The following CYP2W1 variants were observed in gnomAD, a reference collection of about 807,000 sequenced individuals.
CYP2W1 encodes cytochrome P450 family 2 subfamily W member 1, also known as cytochrome P450 2W1.
In CYP2W1, 51 loss-of-function variants were observed where a neutral mutation model predicts 44.9. The ratio of observed to expected loss-of-function variants is 1.14; its 90% CI spans 0.91 to 1.43. The LOEUF (loss-of-function observed/expected upper bound fraction) is 1.43, where lower values mean the gene tolerates loss of function less well. Ranked by LOEUF, CYP2W1 falls within the 40% of genes most tolerant of loss-of-function variation. CYP2W1 has a pLI of 0.00. For synonymous variants in CYP2W1, 383 were observed against 338.3 expected (o/e 1.13, Z -1.45); for missense variants, 746 against 700.0 (o/e 1.07, Z -0.74).
rs149976257 is a variant in CYP2W1 at position 988,740 on chromosome 7, C to T, written c.1391C>T (p.Pro464Leu). The T allele has an allele frequency of 6.9e-3, 11,096 of 1,599,316 alleles. 62 individuals carry two copies. Among genetic ancestry groups the T allele is most frequent in the Non-Finnish European group, 8.3e-3 (9,750 of 1,179,498 alleles). ...YRLLPPPGVS[P>L]ASLDTTPARA... is the part of the protein sequence containing the mutation. The stretch of plus-strand genomic sequence containing the variant: ...CTGCTGCCCCCGCCTGGCGTCAGTC[C>T]GGCCTCCCTGGACACCACGCCCGCC... Residue 464 changes from proline to leucine, a missense_variant, in exon 9 of 9, where the codon CCG becomes CTG. Physicochemically the swap from Pro to Leu is moderately conservative, Grantham distance 98 (BLOSUM62 -3). Coordinates refer to ENST00000308919, the MANE Select transcript of CYP2W1 (RefSeq NM_017781.3).
In CYP2W1 at chr7:988,321, GAC is replaced by G; in HGVS notation, c.1192_1193del (p.Gln398ValfsTer103). ...TGCTGACCTCGGTGCTCCTGGATGA[GAC>G]ACAGTGGCAGACCCCAGGCCAGTTC... is the stretch of plus-strand genomic sequence containing the variant. ...PLLTSVLLDE[T>X]QWQTPGQFNP... On this transcript the variant is annotated frameshift_variant, in exon 8 of 9. Transcript: ENST00000308919. LOFTEE classifies it high-confidence loss of function. The G allele has an allele frequency of 6.2e-7, 1 of 1,611,334 alleles. No individual in the cohort carries two copies. The highest frequency in any genetic ancestry group is 8.5e-7 in the Non-Finnish European group (1 of 1,178,874).
chr7:984,868 C>G, intron 2 of CYP2W1, 82 bp from the exon 3 acceptor site: 1 of 1,496,234 alleles, frequency 6.7e-7, no homozygotes, highest in South Asian at 1.3e-5. Context: ...GCCCTGTCAG[C>G]CTGCTCACTT....
rs901654407 is a variant in CYP2W1, at chr7:989,278, G to A, written c.*456G>A. ...CTCCTGCAGACCCCACTCCATTCCCGCTCCTGGAACACTTCCTGCAGCTGT... is the reference window on the plus strand; with the variant it reads ...CTCCTGCAGACCCCACTCCATTCCCACTCCTGGAACACTTCCTGCAGCTGT... On this transcript the variant is annotated 3_prime_UTR_variant, in exon 9 of 9. Coordinates refer to ENST00000308919, the MANE Select transcript of CYP2W1 (RefSeq NM_017781.3). 3.5e-5 allele frequency: 6 copies of A among 173,218 alleles called. No individual in the cohort carries two copies. The highest frequency in any genetic ancestry group is 6.1e-5 in the Non-Finnish European group (5 of 81,804). 10.7% of individuals were successfully genotyped at this position (173,218 alleles called of 1,614,324 possible). A position where few individuals can be genotyped will look rare whatever the true frequency, so the allele number is the denominator to read the frequency against.
intron 4 of CYP2W1, 110 bp downstream of exon 4, chr7:985,433 A>G: frequency 7.9e-7 from 1 of 1,259,190 alleles, no homozygotes; most frequent in Non-Finnish European, 1.1e-6. Context: ...CGGCCCTCCC[A>G]CCTTGCAAAA....
chr7:988,650 T>C lies in CYP2W1; in HGVS notation c.1301T>C (p.Val434Ala). The C allele has an allele frequency of 2.5e-6, 4 of 1,601,906 alleles. No homozygotes were observed. Among genetic ancestry groups the C allele is most frequent in the African/African-American group, 1.3e-5 (1 of 74,866 alleles). Reference protein sequence around the residue: ...LPFSAGRRVCVGERLARTELF... With the variant: ...LPFSAGRRVCAGERLARTELF... Reference sequence around the variant, plus strand: ...TCCCCCGCAGGCCGCCGCGTCTGTGTTGGGGAGCGCCTGGCCAGGACCGAG... The same window carrying C: ...TCCCCCGCAGGCCGCCGCGTCTGTGCTGGGGAGCGCCTGGCCAGGACCGAG... The change falls in exon 9 of 9, where the codon GTT becomes GCT. Residue 434 changes from valine to alanine, a missense_variant. Physicochemically the swap from Val to Ala is moderately conservative, Grantham distance 64. Coordinates refer to ENST00000308919, the MANE Select transcript of CYP2W1 (RefSeq NM_017781.3).
chr7:983,636 G>A (rs1848093555), intron 1 of CYP2W1, among the ~76,000 whole-genome samples: 1 of 152,188 alleles, frequency 6.6e-6, no homozygotes. Flanking sequence ...GGGAGCAGGA[G>A]TCTGGAGGGC....
chr7:984,724 G>T (rs927389167), intron 2 of CYP2W1, 150 bp downstream of exon 2: 16 of 1,252,902 alleles, frequency 1.3e-5, no homozygotes, highest in Non-Finnish European at 1.7e-5. Flanking sequence ...GCTGAGAAGG[G>T]CCAGGTGTCC....
chr7:986,523 G>A, intron 4 of CYP2W1, 101 bp from the exon 5 acceptor site: 1 of 1,390,790 alleles, frequency 7.2e-7, no homozygotes, highest in South Asian at 1.3e-5. Context: ...TCCACCCAGA[G>A]TCCCTGGGCG....
At chr7:985,133 C>T in intron 3 of CYP2W1, 33 bp from the exon 4 acceptor site, 2 of 1,602,004 alleles carry the variant, frequency 1.2e-6, no homozygotes, top group Non-Finnish European at 1.7e-6. Context: ...CCTCCCCGGG[C>T]CTGGACGTGC....
rs370589869 is a variant in CYP2W1, at chr7:986,696, G to A, written c.718G>A (p.Val240Ile). The part of the protein sequence containing the change: ...HRPVLRKIEE[V>I]RAILRTLLEA... ...GCCCGTCCTGCGCAAGATCGAGGAGGTCCGTGCCATTCTGAGGACCCTCCT... is the reference window on the plus strand; with the variant it reads ...GCCCGTCCTGCGCAAGATCGAGGAGATCCGTGCCATTCTGAGGACCCTCCT... Residue 240 changes from valine (V) to isoleucine (I), a missense_variant, in exon 5 of 9, where the codon GTC (valine) becomes ATC (isoleucine). By Grantham distance (29) the Val-to-Ile change is conservative (BLOSUM62 3). Coordinates refer to ENST00000308919, the MANE Select transcript of CYP2W1 (RefSeq NM_017781.3). The A allele has an allele frequency of 1.2e-4, 188 of 1,612,536 alleles. No homozygotes were observed. The highest frequency in any genetic ancestry group is 1.0e-3 in the Admixed American group (61 of 59,996).
At chr7:983,705 G>C (rs996889226) in intron 1 of CYP2W1, among the ~76,000 whole-genome samples, 5 of 152,358 alleles carry the variant, frequency 3.3e-5, no homozygotes, top group African/African-American at 1.2e-4. Context: ...AGGGACAGCA[G>C]AGGGGAGGAG....
intron 5 of CYP2W1, 28 bp from the exon 6 acceptor site, chr7:987,079 C>T (rs749887300): frequency 6.7e-7 from 1 of 1,485,548 alleles, no homozygotes; most frequent in Middle Eastern, 2.0e-4. Flanking sequence ...CCAGATCATC[C>T]CACGAGCCCT....
chr7:984,989 G>T lies in CYP2W1; in HGVS notation c.377G>T (p.Arg126Leu). 4 of 1,609,596 alleles carry T rather than the reference G, an allele frequency of 2.5e-6. No individual in the cohort carries two copies. Among genetic ancestry groups the T allele is most frequent in the Non-Finnish European group, 3.4e-6 (4 of 1,179,520 alleles). ...FSSGARWRAA[R>L]QFTVRALHSL... ...TCTGGGGCGCGCTGGAGGGCTGCCC[G>T]CCAGTTCACGGTGCGTGCCCTGCAC... is the stretch of plus-strand genomic sequence containing the variant. Residue 126 changes from arginine to leucine, a missense_variant, in exon 3 of 9, where the codon CGC (arginine) becomes CTC (leucine). Coordinates refer to ENST00000308919, the MANE Select transcript of CYP2W1 (RefSeq NM_017781.3).
chr7:988,487 C>T (rs747106636), intron 8 of CYP2W1, 69 bp downstream of exon 8: 34 of 1,601,632 alleles, frequency 2.1e-5, no homozygotes, highest in Admixed American at 8.6e-5. Flanking sequence ...GCCCCAGCTC[C>T]GCCTGCCGCC....
Position 988,789 on chromosome 7 carries a change from GGCCCAGGCCCTGTGTGCGGT to G in CYP2W1, c.1452_1471del (p.Cys485GlyfsTer10). 3 of 1,593,492 alleles carry G rather than the reference GGCCCAGGCCCTGTGTGCGGT, an allele frequency of 1.9e-6. No individual in the cohort carries two copies. The highest frequency in any genetic ancestry group is 2.5e-6 in the Non-Finnish European group (3 of 1,176,536). On this transcript the variant is annotated frameshift_variant, in exon 9 of 9. Coordinates refer to ENST00000308919, the MANE Select transcript of CYP2W1 (RefSeq NM_017781.3). LOFTEE classifies it high-confidence loss of function. ...CCCGGGCTTTTACCATGAGGCCGAGGGCCCAGGCCCTGTGTGCGGTGCCCAGGCCCTAGGAGCTCCCCCAG... is the reference window on the plus strand; with the variant it reads ...CCCGGGCTTTTACCATGAGGCCGAGGGCCCAGGCCCTAGGAGCTCCCCCAG...
At chr7:984,344 G>T in intron 1 of CYP2W1, 68 bp from the exon 2 acceptor site, 1 of 1,485,334 alleles carries the variant, frequency 6.7e-7, no homozygotes. Context: ...CACAGGCCCG[G>T]CCTGAGGGGA....
In CYP2W1 at chr7:985,270, C is replaced by T. The variant is rs769483359; in HGVS notation, c.592C>T (p.Leu198=). ...FDYRDPVFVS[L]LGLIDEVMVL... is the part of the protein sequence containing the mutation. ...CTACCGGGACCCCGTGTTTGTGTCC[C>T]TGCTGGGTCTCATCGATGAGGTCAT... The change falls in exon 4 of 9, where the codon CTG becomes TTG. Residue 198 remains leucine, a synonymous_variant. Transcript: ENST00000308919. The T allele has an allele frequency of 6.4e-7, 1 of 1,551,830 alleles. No homozygotes were observed. Among genetic ancestry groups the T allele is most frequent in the South Asian group, 1.2e-5 (1 of 84,166 alleles).
intron 4 of CYP2W1, among the ~76,000 whole-genome samples, chr7:985,772 T>C (rs1320493024): frequency 6.6e-6 from 1 of 152,208 alleles, no homozygotes; most frequent in African/African-American, 2.4e-5. Flanking sequence ...AAAGATCCCC[T>C]CTTTTTGGTC....
At chr7:983,513 A>G (rs1197627743) in intron 1 of CYP2W1, 128 bp downstream of exon 1, 19 of 922,276 alleles carry the variant, frequency 2.1e-5, no homozygotes, top group Non-Finnish European at 2.8e-5. Context: ...CGGGGCACGC[A>G]GGAGGCCGGA....
Sources: allele counts gnomAD v4.1 joint callset (sites outside exome capture counted in the v4.1 genomes callset), GRCh38; gene constraint gnomAD v4.1.1; transcripts MANE v1.5; gene names NCBI Gene and HGNC (gene_info 2026-07-23, HGNC 2026-07-21).